The following EPB41 variants were observed in gnomAD, a reference collection of about 807,000 sequenced individuals.
EPB41 encodes erythrocyte membrane protein band 4.1.
Under a neutral mutation model 108.0 loss-of-function variants are expected in EPB41, and 65 were observed. The ratio of observed to expected loss-of-function variants is 0.60; its 90% confidence interval spans 0.49 to 0.74. The LOEUF (loss-of-function observed/expected upper bound fraction) is 0.74, where lower values mean the gene tolerates loss of function less well. Ranked by LOEUF, EPB41 falls within the 30% of genes least tolerant of loss-of-function variation. The pLI is 0.00. For synonymous variants in EPB41, 336 were observed against 358.9 expected (o/e 0.94, Z 0.72); for missense variants, 875 against 1,037.0 (o/e 0.84, Z 2.15).
intron 1 of EPB41, among the ~76,000 whole-genome samples, chr1:28,889,587 A>G (rs2089873301): frequency 6.6e-6 from 1 of 152,246 alleles, no homozygotes; most frequent in Non-Finnish European, 1.5e-5. Flanking sequence ...CGTGCTGGGC[A>G]GGAACATCCA....
At chr1:28,980,293 A>T (rs2095707388) in intron 1 of EPB41, among the ~76,000 whole-genome samples, 2 of 152,234 alleles carry the variant, frequency 1.3e-5, no homozygotes, top group South Asian at 4.1e-4. Context: ...AGCTGAGATT[A>T]TGCCATTGCA....
chr1:29,088,799 T>C (rs1660182816), intron 16 of EPB41, among the ~76,000 whole-genome samples: 1 of 152,190 alleles, frequency 6.6e-6, no homozygotes, highest in Non-Finnish European at 1.5e-5. Context: ...TGCTGTGTGT[T>C]ATTTTGAGCA....
chr1:29,074,161 CATT>C (rs952305067), intron 16 of EPB41, among the ~76,000 whole-genome samples: 4 of 152,118 alleles, frequency 2.6e-5, no homozygotes, highest in South Asian at 2.1e-4. Flanking sequence ...GACATGGTCT[CATT>C]GTTGCTTTTA....
rs2096275154 is a variant in EPB41, at chr1:29,000,555, T to G, written c.786+3236T>G. Among the ~76,000 whole-genome samples the G allele has an allele frequency of 2.0e-5, 3 of 152,236 alleles. No individual in the cohort carries two copies. In the South Asian group the frequency reaches 6.2e-4, roughly 31 times the overall value. On this transcript the variant is annotated intron_variant, in intron 4 of 20. Transcript: ENST00000343067. ...AAAGGGCATTATTTCCCTGTAAGTA[T>G]TTTTGGAAAAGAAAAATTGGTACCT...
rs745905322 is a variant in EPB41 at position 29,039,295 on chromosome 1, C to T, written c.1505C>T (p.Ala502Val). The change falls in exon 11 of 21, where the codon GCG becomes GTG. Residue 502 changes from alanine to valine, a missense_variant. Physicochemically the swap from Ala to Val is moderately conservative, Grantham distance 64 (BLOSUM62 0). Around this residue, in one of 3 missense-constraint regions of EPB41, gnomAD observed 519 missense variants for 627.3 expected, o/e 0.83. Transcript: ENST00000343067. ...ACCATTCCCAAAAGCAAATTTCTTG[C>T]GCTAGGATCCAAATTTCGATACAGT... is the stretch of plus-strand genomic sequence containing the variant. ...TDTIPKSKFL[A>V]LGSKFRYSGR... 4.8e-5 allele frequency: 78 copies of T among 1,613,950 alleles called. No homozygotes were observed. In the Admixed American group the frequency reaches 6.3e-4, roughly 13 times the overall value.
intron 1 of EPB41, among the ~76,000 whole-genome samples, chr1:28,890,637 C>G (rs1240879427): frequency 6.6e-6 from 1 of 152,214 alleles, no homozygotes; most frequent in Non-Finnish European, 1.5e-5. Context: ...CAGCCACTGC[C>G]TGTTAAGCAC....
chr1:29,077,397 C>T (rs1191807864), intron 16 of EPB41, among the ~76,000 whole-genome samples: 3 of 151,592 alleles, frequency 2.0e-5, no homozygotes, highest in African/African-American at 7.3e-5. Context: ...ATAGCAAGAC[C>T]CCATCTCAAA....
chr1:29,029,041 CAA>C (rs34636821), intron 7 of EPB41, among the ~76,000 whole-genome samples: 321 of 123,666 alleles, frequency 2.6e-3, no homozygotes, highest in Middle Eastern at 4.2e-3. Context: ...GACCCTGTCT[CAA>C]AAAAAAAAAA....
intron 16 of EPB41, among the ~76,000 whole-genome samples, chr1:29,090,709 C>T (rs1298268327): frequency 6.6e-6 from 1 of 152,144 alleles, no homozygotes; most frequent in Non-Finnish European, 1.5e-5. Context: ...GACATCGCGC[C>T]ATTGCACTCC....
At chr1:29,001,404 C>T (rs2096291208) in intron 4 of EPB41, among the ~76,000 whole-genome samples, 1 of 152,148 alleles carries the variant, frequency 6.6e-6, no homozygotes, top group Non-Finnish European at 1.5e-5. Flanking sequence ...TTATATACAG[C>T]TGTCCCTGGT....
chr1:28,911,811 G>C (rs1557640776), upstream of EPB41, among the ~76,000 whole-genome samples: 1 of 152,192 alleles, frequency 6.6e-6, no homozygotes, highest in Non-Finnish European at 1.5e-5. Flanking sequence ...GGGATGCTGA[G>C]GTGGGTGGAT....
chr1:29,067,495 C>CAA (rs71022390), intron 16 of EPB41, among the ~76,000 whole-genome samples: 2 of 25,630 alleles, frequency 7.8e-5, no homozygotes, highest in African/African-American at 1.8e-4. Context: ...GACTCTGTCT[C>CAA]AAAAAAAAAA....
chr1:28,982,267 A>G (rs533972673), intron 1 of EPB41: 3 of 512,084 alleles, frequency 5.9e-6, no homozygotes, highest in East Asian at 9.0e-5. Flanking sequence ...TTAATGACCA[A>G]AACAAAGCAT....
At chr1:29,055,394 A>G (rs888291408) in intron 12 of EPB41, among the ~76,000 whole-genome samples, 2 of 152,144 alleles carry the variant, frequency 1.3e-5, no homozygotes, top group Admixed American at 6.5e-5. Context: ...CTTTTTGCCT[A>G]TAACACAGAC....
rs375817878 is a variant in EPB41 at position 28,935,438 on chromosome 1, A to AACACACACACACACACAC, written c.-8+20683_-8+20700dup. Among the ~76,000 whole-genome samples, 21 of 52,102 alleles carry AACACACACACACACACAC rather than the reference A, an allele frequency of 4.0e-4. 3 individuals are homozygous for AACACACACACACACACAC. Among genetic ancestry groups the AACACACACACACACACAC allele is most frequent in the Admixed American group, 1.8e-3 (7 of 3,948 alleles). The allele number at this position is 52,102 out of a possible 152,430, so 34.2% of individuals were successfully genotyped here. On this transcript the variant is annotated intron_variant, in intron 1 of 20. Coordinates refer to ENST00000343067, the MANE Select transcript of EPB41 (RefSeq NM_001376013.1). ...GAGACAGAGCAACATCCTGTCTCAA[A>AACACACACACACACACAC]ACACACACACACACACACACACACA...
rs959682955 is a variant in EPB41, at chr1:29,058,479, A to G, written c.1846-110A>G. 21 of 930,726 alleles carry G rather than the reference A, an allele frequency of 2.3e-5. No homozygotes were observed. The Admixed American group carries it at 3.8e-4, about 17-fold the overall frequency. The allele number at this position is 930,726 out of a possible 1,614,324, so 57.7% of individuals were successfully genotyped here. A position where few individuals can be genotyped will look rare whatever the true frequency, so the allele number is the denominator to read the frequency against. On this transcript the variant is annotated intron_variant, in intron 12 of 20. Transcript: ENST00000343067. ...TAAGACTGCATCATGATGATTACGT[A>G]TCAGCGTATTTCACAACCAGCTTAA...
intron 9 of EPB41, 48 bp from the exon 10 acceptor site, chr1:29,035,778 G>A: frequency 6.0e-6 from 8 of 1,339,882 alleles, no homozygotes; most frequent in Non-Finnish European, 8.6e-6. Flanking sequence ...ATCTGGTACT[G>A]TATCACATGT....
At chr1:29,097,748 G>A (rs1259184023) in intron 16 of EPB41, 59 bp from the exon 17 acceptor site, 53 of 1,591,490 alleles carry the variant, frequency 3.3e-5, no homozygotes, top group Non-Finnish European at 4.6e-5. Flanking sequence ...AGTGTCAGAA[G>A]ATTACTTCTC....
intron 1 of EPB41, among the ~76,000 whole-genome samples, chr1:28,901,092 G>A (rs1457578333): frequency 1.3e-5 from 2 of 151,704 alleles, no homozygotes; most frequent in South Asian, 2.1e-4. Flanking sequence ...ACCAAGCCCG[G>A]CTAATTTTTT....
Sources: allele counts gnomAD v4.1 joint callset (sites outside exome capture counted in the v4.1 genomes callset), GRCh38; gene constraint gnomAD v4.1.1; regional missense constraint gnomAD v4.1.1; transcripts MANE v1.5; gene names NCBI Gene and HGNC (gene_info 2026-07-23, HGNC 2026-07-21).